TKTL2: variants seen among roughly 807,000 people sequenced by gnomAD.
TKTL2 encodes the protein transketolase-like protein 2.
For synonymous variants in TKTL2, 259 were observed against 294.1 expected, an observed-to-expected ratio of 0.88 and a Z score of 1.22; for missense variants, 825 against 799.4, an observed-to-expected ratio of 1.03 and a Z score of -0.39.
chr4:163,473,616 G>C lies in TKTL2; in HGVS notation c.119C>G (p.Thr40Arg). 1.2e-6 allele frequency: 2 copies of C among 1,614,204 alleles called. No individual in the cohort carries two copies. Among genetic ancestry groups the C allele is most frequent in the Non-Finnish European group, 1.7e-6 (2 of 1,180,040 alleles). The change falls in exon 1 of 1, where the codon ACG (threonine) becomes AGG (arginine). Residue 40 changes from threonine (T) to arginine (R), a missense_variant. Physicochemically the swap from Thr to Arg is moderately conservative, Grantham distance 71 (BLOSUM62 -1). Coordinates refer to ENST00000280605, the MANE Select transcript of TKTL2 (RefSeq NM_032136.5). ...ATCASGSGQL[T>R]SCCSAAEVVS... ...GACCTCCGCTGCACTGCAGCACGAC[G>C]TGAGCTGGCCAGAACCAGAGGCACA... is the stretch of plus-strand genomic sequence containing the variant.
Position 163,473,534 on chromosome 4 carries a change from C to G in TKTL2, c.201G>C (p.Pro67=). 3 of 1,613,876 alleles carry G rather than the reference C, an allele frequency of 1.9e-6. No individual in the cohort carries two copies. The highest frequency in any genetic ancestry group is 2.5e-6 in the Non-Finnish European group (3 of 1,179,958). The change falls in exon 1 of 1, where the codon CCG becomes CCC. Residue 67 remains proline, a synonymous_variant. Transcript: ENST00000280605. Reference sequence around the variant, plus strand: ...TGGAGAGGATGAACCGGTCGTTGTCCGGGTGTTCTGGGTCTGTCTGTTTAT... The same window carrying G: ...TGGAGAGGATGAACCGGTCGTTGTCGGGGTGTTCTGGGTCTGTCTGTTTAT... ...MKYKQTDPEH[P]DNDRFILSRG... is the part of the protein sequence containing the mutation.
chr4:163,472,902 A>G lies in TKTL2; in HGVS notation c.833T>C (p.Ile278Thr). Residue 278 changes from isoleucine (I) to threonine (T), a missense_variant, in exon 1 of 1, where the codon ATT becomes ACT. Ile to Thr is a moderately conservative substitution (Grantham distance 89). Transcript: ENST00000280605. The part of the protein sequence containing the change: ...KERADAIVKL[I>T]ESQIQTNENL... ...CTCATTGGTCTGTATCTGACTCTCAATTAATTTGACAATTGCATCTGCTCT... is the reference window on the plus strand; with the variant it reads ...CTCATTGGTCTGTATCTGACTCTCAGTTAATTTGACAATTGCATCTGCTCT... 7 of 1,612,032 alleles carry G rather than the reference A, an allele frequency of 4.3e-6. 1 individual carries two copies. In the Admixed American group the frequency reaches 6.7e-5, roughly 15 times the overall value.
rs761281221 is a variant in TKTL2, at chr4:163,473,311, A to G, written c.424T>C (p.Tyr142His). ...ACCCGGTAGCTGGCCTTGTCAAGGTACTTGCCAGTATAAGCCATTCCACAT... is the reference window on the plus strand; with the variant it reads ...ACCCGGTAGCTGGCCTTGTCAAGGTGCTTGCCAGTATAAGCCATTCCACAT... ...TACGMAYTGKYLDKASYRVFC... is the reference protein window; with the variant it reads ...TACGMAYTGKHLDKASYRVFC... Residue 142 changes from tyrosine (Y) to histidine (H), a missense_variant, in exon 1 of 1, where the codon TAC becomes CAC. Transcript: ENST00000280605. 8 of 1,614,070 alleles carry G rather than the reference A, an allele frequency of 5.0e-6. No individual in the cohort carries two copies. Among genetic ancestry groups the G allele is most frequent in the Non-Finnish European group, 5.9e-6 (7 of 1,180,024 alleles).
At position 163,472,304 on chromosome 4, in the gene TKTL2, G is replaced by A; in HGVS notation, c.1431C>T (p.Ser477=). The change falls in exon 1 of 1, where the codon AGC becomes AGT. Residue 477 remains serine (S), a synonymous_variant. Transcript: ENST00000280605. ...TATAAATAACTGCAGTTTCTGGTTG[G>A]CTGGTTCGAATGAAGCACATTCCCT... ...NTKGMCFIRT[S]QPETAVIYTP... 1 of 1,607,084 alleles carries A rather than the reference G, an allele frequency of 6.2e-7. No individual in the cohort carries two copies. Among genetic ancestry groups the A allele is most frequent in the Non-Finnish European group, 8.5e-7 (1 of 1,176,624 alleles).
rs756272745 is a variant in TKTL2 at position 163,473,537 on chromosome 4, G to C, written c.198C>G (p.His66Gln). The stretch of plus-strand genomic sequence containing the variant: ...AGAGGATGAACCGGTCGTTGTCCGG[G>C]TGTTCTGGGTCTGTCTGTTTATACT... The part of the protein sequence containing the change: ...TMKYKQTDPE[H>Q]PDNDRFILSR... Residue 66 changes from histidine to glutamine, a missense_variant, in exon 1 of 1, where the codon CAC (histidine) becomes CAG (glutamine). His to Gln is a conservative substitution (Grantham distance 24). Coordinates refer to ENST00000280605, the MANE Select transcript of TKTL2 (RefSeq NM_032136.5). 2 of 1,613,924 alleles carry C rather than the reference G, an allele frequency of 1.2e-6. No individual in the cohort carries two copies. Among genetic ancestry groups the C allele is most frequent in the Non-Finnish European group, 1.7e-6 (2 of 1,180,006 alleles).
In TKTL2 at chr4:163,471,583, T is replaced by C. The variant is rs1737166691; in HGVS notation, c.*271A>G. 4.0e-6 allele frequency: 1 copy of C among 250,068 alleles called. No homozygotes were observed. Among genetic ancestry groups the C allele is most frequent in the African/African-American group, 2.2e-5 (1 of 45,114 alleles). 15.5% of individuals were successfully genotyped at this position (250,068 alleles called of 1,614,324 possible). ...TCTTATCAGAAATATTTGTATTAGG[T>C]AGTTGTTTTATTTCCTATTCTATTG... On this transcript the variant is annotated 3_prime_UTR_variant, in exon 1 of 1. Transcript: ENST00000280605.
In TKTL2 at chr4:163,473,428, T is replaced by A; in HGVS notation, c.307A>T (p.Lys103Ter). 6.2e-7 allele frequency: 1 copy of A among 1,613,974 alleles called. No homozygotes were observed. The highest frequency in any genetic ancestry group is 8.5e-7 in the Non-Finnish European group (1 of 1,180,008). The change falls in exon 1 of 1, where the codon AAA (lysine) becomes TAA (stop). Residue 103 changes from lysine to a stop codon, truncating the protein, a stop_gained. Transcript: ENST00000280605. LOFTEE classifies it low-confidence loss of function (END_TRUNC). ...ISESDLLNLR[K>*]LHSDLERHPT... ...TGTCTCTCCAAGTCGCTGTGAAGTT[T>A]CCTCAGGTTCAGCAAGTCAGATTCA...
chr4:163,472,446 A>T lies in TKTL2; in HGVS notation c.1289T>A (p.Val430Asp). ...HCGVSTGEDG[V>D]SQMALEDLAM... ...TAGATCCTCCAGGGCCATCTGGGAG[A>T]CTCCATCTTCTCCAGTGGATACCCC... Residue 430 changes from valine to aspartate, a missense_variant, in exon 1 of 1, where the codon GTC (valine) becomes GAC (aspartate). Transcript: ENST00000280605. 6.2e-7 allele frequency: 1 copy of T among 1,613,956 alleles called. No homozygotes were observed. Among genetic ancestry groups the T allele is most frequent in the South Asian group, 1.1e-5 (1 of 91,064 alleles).
Position 163,472,510 on chromosome 4 carries a change from T to A in TKTL2, c.1225A>T (p.Ile409Phe), listed in dbSNP as rs764787220. ...RAFDQLRMGA[I>F]SQANINLIGS... ...ATAAGGTTGATATTGGCTTGAGAAA[T>A]GGCTCCCATTCGGAGCTGATCGAAT... The change falls in exon 1 of 1, where the codon ATT becomes TTT. Residue 409 changes from isoleucine (I) to phenylalanine (F), a missense_variant. Physicochemically the swap from Ile to Phe is conservative, Grantham distance 21. Transcript: ENST00000280605. 1.9e-6 allele frequency: 3 copies of A among 1,614,070 alleles called. No homozygotes were observed. Among genetic ancestry groups the A allele is most frequent in the South Asian group, 2.2e-5 (2 of 91,070 alleles).
Position 163,471,254 on chromosome 4 carries a change from A to G in TKTL2, c.*600T>C, listed in dbSNP as rs192970639. The G allele has an allele frequency of 1.6e-4, 24 of 152,336 alleles. No individual in the cohort carries two copies. Among genetic ancestry groups the G allele is most frequent in the African/African-American group, 5.8e-4 (24 of 41,568 alleles). The allele number at this position is 152,336 out of a possible 1,614,324, so 9.4% of individuals were successfully genotyped here. A position where few individuals can be genotyped will look rare whatever the true frequency, so the allele number is the denominator to read the frequency against. ...GCAAACTAGAACCAGTTATACTTTC[A>G]TCACTTCACAGAACACAAGTAGTGT... On this transcript the variant is annotated 3_prime_UTR_variant, in exon 1 of 1. Transcript: ENST00000280605.
rs750486811 is a variant in TKTL2, at chr4:163,472,711, G to A, written c.1024C>T (p.Leu342=). ...GTGGAGTTCATCGTGTCACCACTCAGAACAATAACTCTTTCATTTGCACGG... is the reference window on the plus strand; with the variant it reads ...GTGGAGTTCATCGTGTCACCACTCAAAACAATAACTCTTTCATTTGCACGG... ...LGRANERVIV[L]SGDTMNSTFS... is the part of the protein sequence containing the mutation. Residue 342 remains leucine, a synonymous_variant, in exon 1 of 1, where the codon CTG becomes TTG. Coordinates refer to ENST00000280605, the MANE Select transcript of TKTL2 (RefSeq NM_032136.5). 1.9e-5 allele frequency: 31 copies of A among 1,612,568 alleles called. No homozygotes were observed. Among genetic ancestry groups the A allele is most frequent in the Middle Eastern group, 3.3e-4 (2 of 6,074 alleles).
rs750939545 is a variant in TKTL2 at position 163,472,394 on chromosome 4, A to G, written c.1341T>C (p.Cys447=). ...TGGCATCACTTGGATAGAAAACAGT[A>G]CAATTGGGAATGCTTCGGAACATGG... ...DLAMFRSIPN[C]TVFYPSDAIS... The change falls in exon 1 of 1, where the codon TGT becomes TGC. Residue 447 remains cysteine (C), a synonymous_variant. Transcript: ENST00000280605. 1 of 1,608,474 alleles carries G rather than the reference A, an allele frequency of 6.2e-7. No individual in the cohort carries two copies. Among genetic ancestry groups the G allele is most frequent in the African/African-American group, 1.3e-5 (1 of 74,870 alleles).
chr4:163,473,234 AG>A lies in TKTL2; in HGVS notation c.500del (p.Ala167ValfsTer19). 1.2e-6 allele frequency: 2 copies of A among 1,613,834 alleles called. No homozygotes were observed. Among genetic ancestry groups the A allele is most frequent in the South Asian group, 2.2e-5 (2 of 91,062 alleles). Reference protein sequence around the residue: ...GESSEGSVWEAFAFASHYNLD... With the variant: ...GESSEGSVWEXFAFASHYNLD... ...AGTTGTAGTGGGAGGCAAAAGCAAA[AG>A]CCTCCCACACAGAGCCTTCTGAGGA... On this transcript the variant is annotated frameshift_variant, in exon 1 of 1. Coordinates refer to ENST00000280605, the MANE Select transcript of TKTL2 (RefSeq NM_032136.5). LOFTEE classifies it low-confidence loss of function (END_TRUNC).
In TKTL2 at chr4:163,473,140, C is replaced by T; in HGVS notation, c.595G>A (p.Gly199Ser). 6.2e-7 allele frequency: 1 copy of T among 1,613,998 alleles called. No homozygotes were observed. The change falls in exon 1 of 1, where the codon GGC becomes AGC. Residue 199 changes from glycine (G) to serine (S), a missense_variant. Coordinates refer to ENST00000280605, the MANE Select transcript of TKTL2 (RefSeq NM_032136.5). ...GQSGPAPLEHGADIYQNCCEA... is the reference protein window; with the variant it reads ...GQSGPAPLEHSADIYQNCCEA... The stretch of plus-strand genomic sequence containing the variant: ...CAGCAATTCTGGTAGATGTCTGCGC[C>T]ATGCTCAAGGGGTGCAGGGCCACTT...
chr4:163,473,445 T>A lies in TKTL2; in HGVS notation c.290A>T (p.Asp97Val). 1.9e-6 allele frequency: 3 copies of A among 1,613,848 alleles called. No individual in the cohort carries two copies. Among genetic ancestry groups the A allele is most frequent in the Non-Finnish European group, 2.5e-6 (3 of 1,179,974 alleles). Reference sequence around the variant, plus strand: ...GTGAAGTTTCCTCAGGTTCAGCAAGTCAGATTCACTGATGTCACCCACCTC... The same window carrying A: ...GTGAAGTTTCCTCAGGTTCAGCAAGACAGATTCACTGATGTCACCCACCTC... Reference protein sequence around the residue: ...WVEVGDISESDLLNLRKLHSD... With the variant: ...WVEVGDISESVLLNLRKLHSD... The change falls in exon 1 of 1, where the codon GAC (aspartate) becomes GTC (valine). Residue 97 changes from aspartate (D) to valine (V), a missense_variant. Coordinates refer to ENST00000280605, the MANE Select transcript of TKTL2 (RefSeq NM_032136.5).
Position 163,473,194 on chromosome 4 carries a change from C to G in TKTL2, c.541G>C (p.Ala181Pro). 6.2e-7 allele frequency: 1 copy of G among 1,613,552 alleles called. No individual in the cohort carries two copies. The highest frequency in any genetic ancestry group is 1.1e-5 in the South Asian group (1 of 91,032). Reference protein sequence around the residue: ...ASHYNLDNLVAVFDVNRLGQS... With the variant: ...ASHYNLDNLVPVFDVNRLGQS... Reference sequence around the variant, plus strand: ...CCCAAGCGGTTCACGTCGAAGACCGCCACGAGATTGTCCAAGTTGTAGTGG... The same window carrying G: ...CCCAAGCGGTTCACGTCGAAGACCGGCACGAGATTGTCCAAGTTGTAGTGG... The change falls in exon 1 of 1, where the codon GCG becomes CCG. Residue 181 changes from alanine to proline, a missense_variant. Transcript: ENST00000280605.
Position 163,472,358 on chromosome 4 carries a change from C to G in TKTL2, c.1377G>C (p.Glu459Asp), listed in dbSNP as rs759491245. 4 of 1,599,192 alleles carry G rather than the reference C, an allele frequency of 2.5e-6. No individual in the cohort carries two copies. The highest frequency in any genetic ancestry group is 1.7e-6 in the Non-Finnish European group (2 of 1,172,864). The change falls in exon 1 of 1, where the codon GAG becomes GAC. Residue 459 changes from glutamate (E) to aspartate (D), a missense_variant. Glu to Asp is a conservative substitution (Grantham distance 45, BLOSUM62 2). Transcript: ENST00000280605. The stretch of plus-strand genomic sequence containing the variant: ...TATTGGCGGCTAGATAAATAGCATG[C>G]TCTGTCGAGATGGCATCACTTGGAT... ...VFYPSDAIST[E>D]HAIYLAANTK...
In TKTL2 at chr4:163,471,901, T is replaced by C. The variant is rs1221786110; in HGVS notation, c.1834A>G (p.Ser612Gly). ...TSELLDMFGI[S>G]TRHIIAAVTL... The stretch of plus-strand genomic sequence containing the variant: ...ACGGCTGCTATAATGTGTCTGGTAC[T>C]GATTCCAAACATATCCAGCAATTCA... The change falls in exon 1 of 1, where the codon AGT (serine) becomes GGT (glycine). Residue 612 changes from serine to glycine, a missense_variant. Physicochemically the swap from Ser to Gly is moderately conservative, Grantham distance 56 (BLOSUM62 0). Transcript: ENST00000280605. The C allele has an allele frequency of 9.5e-6, 15 of 1,578,000 alleles. No homozygotes were observed. Among genetic ancestry groups the C allele is most frequent in the Non-Finnish European group, 1.3e-5 (15 of 1,163,280 alleles).
chr4:163,471,987 T>C lies in TKTL2; in HGVS notation c.1748A>G (p.Glu583Gly), dbSNP rs1377380786. ...CAGTTGATGAACAAGGATATCAGGC[T>C]CCCTGGAGACAGCTGCACAAACAGC... ...GEAVCAAVSR[E>G]PDILVHQLAV... Residue 583 changes from glutamate to glycine, a missense_variant, in exon 1 of 1, where the codon GAG becomes GGG. Coordinates refer to ENST00000280605, the MANE Select transcript of TKTL2 (RefSeq NM_032136.5). The C allele has an allele frequency of 2.5e-6, 4 of 1,613,198 alleles. No homozygotes were observed. The highest frequency in any genetic ancestry group is 2.5e-6 in the Non-Finnish European group (3 of 1,179,470).
Sources: allele counts gnomAD v4.1 joint callset, GRCh38; gene constraint gnomAD v4.1.1; transcripts MANE v1.5; gene names NCBI Gene and HGNC (gene_info 2026-07-23, HGNC 2026-07-21).